CTNND2: variants seen among roughly 807,000 people sequenced by gnomAD.
The protein encoded by CTNND2 is catenin delta-2.
CTNND2 carries 22 observed loss-of-function variants against 144.4 expected under a neutral mutation model. That is an observed-to-expected ratio of 0.15 (90% CI 0.11 to 0.22). The LOEUF is 0.22. Ranked by LOEUF, CTNND2 falls within the 10% of genes least tolerant of loss-of-function variation. CTNND2 has a pLI of 1.00. For missense variants in CTNND2, 1,353 were observed against 1,618.8 expected (o/e 0.84, Z 2.82); for synonymous variants, 751 against 695.6 (o/e 1.08, Z -1.25).
chr5:11,245,007 A>G (rs1292883652), intron 9 of CTNND2, among the ~76,000 whole-genome samples: 1 of 152,250 alleles, frequency 6.6e-6, no homozygotes, highest in African/African-American at 2.4e-5. Flanking sequence ...CGGAAATGAA[A>G]AATCAAGTAC....
At chr5:11,814,532 T>C (rs1792522124) in intron 1 of CTNND2, among the ~76,000 whole-genome samples, 1 of 152,228 alleles carries the variant, frequency 6.6e-6, no homozygotes, top group African/African-American at 2.4e-5. Flanking sequence ...TGAGCCAGGT[T>C]GGAGAGCTGC....
Position 11,894,300 on chromosome 5 carries a change from C to T in CTNND2, c.37+9517G>A, listed in dbSNP as rs554735898. 9.2e-5 allele frequency among the ~76,000 whole-genome samples: 14 copies of T among 152,110 alleles called. No homozygotes were observed. The South Asian group carries it at 2.9e-3, about 32-fold the overall frequency. On this transcript the variant is annotated intron_variant, in intron 1 of 21. Coordinates refer to ENST00000304623, the MANE Select transcript of CTNND2 (RefSeq NM_001332.4). ...CCCATCTTTAAGCAGCAAATATCTG[C>T]ACCACAAGGAAAAAATACAAGAAAC...
At chr5:11,163,575 T>C (rs911309654) in intron 11 of CTNND2, among the ~76,000 whole-genome samples, 4 of 152,196 alleles carry the variant, frequency 2.6e-5, no homozygotes, top group Admixed American at 2.6e-4. Context: ...CTCTCTCTGT[T>C]GCTTTCTTCT....
chr5:11,541,428 G>GT (rs1347854691), intron 3 of CTNND2, among the ~76,000 whole-genome samples: 5 of 152,138 alleles, frequency 3.3e-5, no homozygotes, highest in South Asian at 2.1e-4. Context: ...TCTCAGGAAA[G>GT]TATCACCATT....
At chr5:11,578,368 G>T (rs570837354) in intron 2 of CTNND2, among the ~76,000 whole-genome samples, 16 of 152,216 alleles carry the variant, frequency 1.1e-4, no homozygotes, top group Admixed American at 5.9e-4. Flanking sequence ...TTTATGTAAA[G>T]AGTAGTGAAC....
chr5:11,786,467 T>A (rs751098895), intron 1 of CTNND2, among the ~76,000 whole-genome samples: 1 of 152,212 alleles, frequency 6.6e-6, no homozygotes, highest in Non-Finnish European at 1.5e-5. Context: ...GAAAACTAGA[T>A]GCTACTGATT....
At chr5:11,184,406 A>C (rs1369859590) in intron 11 of CTNND2, among the ~76,000 whole-genome samples, 1 of 152,230 alleles carries the variant, frequency 6.6e-6, no homozygotes, top group African/African-American at 2.4e-5. Context: ...ATGCCACTTG[A>C]AAACAGAATT....
intron 10 of CTNND2, among the ~76,000 whole-genome samples, chr5:11,210,163 A>G (rs1738480112): frequency 6.6e-6 from 1 of 152,070 alleles, no homozygotes; most frequent in Non-Finnish European, 1.5e-5. Context: ...TTGGGAGGCC[A>G]AGATGTGCAG....
At chr5:11,680,949 A>C (rs1235762055) in intron 2 of CTNND2, among the ~76,000 whole-genome samples, 2 of 152,184 alleles carry the variant, frequency 1.3e-5, no homozygotes, top group African/African-American at 4.8e-5. Context: ...TCAGTTCTGG[A>C]CATGTCGAGC....
intron 2 of CTNND2, among the ~76,000 whole-genome samples, chr5:11,577,233 G>C (rs563420645): frequency 2.0e-5 from 3 of 152,342 alleles, no homozygotes; most frequent in African/African-American, 7.2e-5. Context: ...TAAAACAGCA[G>C]TAGGGCAACA....
At chr5:11,199,701 AG>A (rs1737233023) in intron 10 of CTNND2, 40 bp from the exon 11 acceptor site, 1 of 1,487,630 alleles carries the variant, frequency 6.7e-7, no homozygotes, top group African/African-American at 1.4e-5. Flanking sequence ...TTACAGTGTA[AG>A]GTTTCCCTAC....
intron 2 of CTNND2, among the ~76,000 whole-genome samples, chr5:11,730,514 T>C (rs1056595099): frequency 8.5e-5 from 13 of 152,152 alleles, no homozygotes; most frequent in Admixed American, 7.2e-4. Context: ...TTTGGGCCCA[T>C]TGGGTACTAC....
At chr5:11,865,900 G>GAAAAAAAAA (rs1158282150) in intron 1 of CTNND2, among the ~76,000 whole-genome samples, 5 of 7,038 alleles carry the variant, frequency 7.1e-4, no homozygotes, top group East Asian at 5.5e-3. Context: ...AGCTGGAAGA[G>GAAAAAAAAA]ACAAAAAAAA....
chr5:11,228,747 T>C (rs1209240760), intron 10 of CTNND2, among the ~76,000 whole-genome samples: 1 of 152,106 alleles, frequency 6.6e-6, no homozygotes, highest in Non-Finnish European at 1.5e-5. Context: ...CCAAAAGTGC[T>C]AGGATTACAG....
At chr5:11,590,132 G>A (rs971757211) in intron 2 of CTNND2, among the ~76,000 whole-genome samples, 2 of 150,194 alleles carry the variant, frequency 1.3e-5, no homozygotes, top group African/African-American at 4.9e-5. Context: ...TGCAAGCTCC[G>A]CCTCCTGGGT....
intron 3 of CTNND2, among the ~76,000 whole-genome samples, chr5:11,519,742 T>TGGAA (rs1772542795): frequency 6.6e-6 from 1 of 151,838 alleles, no homozygotes; most frequent in Non-Finnish European, 1.5e-5. Context: ...GATAAATAAA[T>TGGAA]GGAAGGAAGG....
At chr5:11,242,413 A>G (rs189907247) in intron 9 of CTNND2, among the ~76,000 whole-genome samples, 9 of 152,360 alleles carry the variant, frequency 5.9e-5, no homozygotes, top group Admixed American at 5.2e-4. Context: ...TGCTATAATC[A>G]TTCTCTTGAA....
rs116190802 is a variant in CTNND2, at chr5:11,473,611, C to T, written c.288-61542G>A. ...ACAACTACAGGAAATGGCTCCATCG[C>T]TATTCCCAGAAAAGATGTTCATATC... On this transcript the variant is annotated intron_variant, in intron 3 of 21. Transcript: ENST00000304623. Among the ~76,000 whole-genome samples, 926 of 152,316 alleles carry T rather than the reference C, an allele frequency of 6.1e-3. 5 individuals are homozygous for T. The highest frequency in any genetic ancestry group is 8.0e-3 in the Non-Finnish European group (542 of 68,018).
intron 3 of CTNND2, among the ~76,000 whole-genome samples, chr5:11,561,532 A>C (rs113986617): frequency 6.6e-6 from 1 of 152,232 alleles, no homozygotes; most frequent in African/African-American, 2.4e-5. Context: ...TGAAGAGATT[A>C]AGAGAACACA....
Sources: allele counts gnomAD v4.1 joint callset (sites outside exome capture counted in the v4.1 genomes callset), GRCh38; gene constraint gnomAD v4.1.1; transcripts MANE v1.5; gene names NCBI Gene and HGNC (gene_info 2026-07-23, HGNC 2026-07-21).